The following CASS4 variants were observed in gnomAD, a reference collection of about 807,000 sequenced individuals.
The protein encoded by CASS4 is Cas scaffold protein family member 4, also known as cas scaffolding protein family member 4.
In CASS4, 22 loss-of-function variants were observed where a neutral mutation model predicts 54.2. The observed-to-expected ratio is 0.41, with a 90% CI of 0.29 to 0.58. CASS4 has a LOEUF of 0.58. Among genes scored for constraint, CASS4 ranks in the 20% least tolerant of loss-of-function variants. CASS4 has a pLI of 0.36. For missense variants in CASS4, 854 were observed against 986.7 expected, an observed-to-expected ratio of 0.87 and a Z score of 1.80; for synonymous variants, 409 against 391.5, an observed-to-expected ratio of 1.04 and a Z score of -0.53.
intron 1 of CASS4, among the ~76,000 whole-genome samples, chr20:56,421,716 G>A (rs919206955): frequency 6.6e-6 from 1 of 152,036 alleles, no homozygotes; most frequent in African/African-American, 2.4e-5. Context: ...AAGAGAAAAA[G>A]AAACACAGGC....
chr20:56,453,083 A>T lies in CASS4; in HGVS notation c.1907A>T (p.His636Leu). 6.2e-7 allele frequency: 1 copy of T among 1,613,918 alleles called. No individual in the cohort carries two copies. The highest frequency in any genetic ancestry group is 8.5e-7 in the Non-Finnish European group (1 of 1,180,006). Residue 636 changes from histidine to leucine, a missense_variant, in exon 5 of 6, where the codon CAC (histidine) becomes CTC (leucine). Transcript: ENST00000679887. ...TPSTKQREDE[H>L]SSELLKKNRA... ...TCCACTAAGCAAAGGGAAGATGAAC[A>T]CTCTTCTGAACTATTAAAGAAAAAT...
At chr20:56,435,078 G>C (rs1980091748) in intron 1 of CASS4, among the ~76,000 whole-genome samples, 1 of 152,118 alleles carries the variant, frequency 6.6e-6, no homozygotes, top group South Asian at 2.1e-4. Flanking sequence ...TTTTGTGGGG[G>C]ATGTTCAATG....
chr20:56,452,717 A>G lies in CASS4; in HGVS notation c.1541A>G (p.Asn514Ser), dbSNP rs760752577. 20 of 1,614,158 alleles carry G rather than the reference A, an allele frequency of 1.2e-5. No individual in the cohort carries two copies. The highest frequency in any genetic ancestry group is 2.7e-5 in the African/African-American group (2 of 75,060). The change falls in exon 5 of 6, where the codon AAC (asparagine) becomes AGC (serine). Residue 514 changes from asparagine to serine, a missense_variant. Transcript: ENST00000679887. ...ACNLTDSNLQ[N>S]RIRDQMQTIS... ...AACCTCACTGACAGTAACCTTCAGAACAGAATTCGGGACCAGATGCAGACC... is the reference window on the plus strand; with the variant it reads ...AACCTCACTGACAGTAACCTTCAGAGCAGAATTCGGGACCAGATGCAGACC...
At chr20:56,448,268 AT>A (rs909053039) in intron 3 of CASS4, among the ~76,000 whole-genome samples, 5 of 151,942 alleles carry the variant, frequency 3.3e-5, no homozygotes, top group Non-Finnish European at 5.9e-5. Flanking sequence ...GTTCACCATG[AT>A]TTTTTTGCAT....
Position 56,458,570 on chromosome 20 carries a change from C to T in CASS4, c.2184C>T (p.Asp728=). 1 of 1,614,020 alleles carries T rather than the reference C, an allele frequency of 6.2e-7. No homozygotes were observed. The highest frequency in any genetic ancestry group is 8.5e-7 in the Non-Finnish European group (1 of 1,179,960). Residue 728 remains aspartate, a synonymous_variant, in exon 6 of 6, where the codon GAC becomes GAT. Coordinates refer to ENST00000679887, the MANE Select transcript of CASS4 (RefSeq NM_020356.4). ...TGTGCATGGAGACCCAGGAGAGGGA[C>T]GTGCGCAACGAGATCCTCCGTGGCA... ...DTLCMETQER[D]VRNEILRGSS...
At position 56,415,891 on chromosome 20, in the gene CASS4, T is replaced by A. The variant is rs192569376; in HGVS notation, c.36+3397T>A. Among the ~76,000 whole-genome samples, 494 of 152,354 alleles carry A rather than the reference T, an allele frequency of 3.2e-3. 5 individuals are homozygous for A. The highest frequency in any genetic ancestry group is 1.9e-3 in the African/African-American group (81 of 41,594). ...ATCCAGACTGATTTATTCTATTTTT[T>A]AAAAATTGTTTTATAGAACAAGGCG... is the stretch of plus-strand genomic sequence containing the variant. On this transcript the variant is annotated intron_variant, in intron 1 of 5. Transcript: ENST00000679887.
In CASS4 at chr20:56,446,669, C is replaced by T. The variant is rs1172193434; in HGVS notation, c.561+668C>T. ...GCTCTGCGGTGGCGTTCTCCCCACC[C>T]ACCTACCATTGGGATCAGTAGCTCC... On this transcript the variant is annotated intron_variant, in intron 3 of 5. Coordinates refer to ENST00000679887, the MANE Select transcript of CASS4 (RefSeq NM_020356.4). Among the ~76,000 whole-genome samples the T allele has an allele frequency of 2.0e-5, 3 of 152,220 alleles. No homozygotes were observed. The South Asian group carries it at 6.2e-4, about 32-fold the overall frequency.
At chr20:56,418,509 C>G (rs6014723) in intron 1 of CASS4, among the ~76,000 whole-genome samples, 3,324 of 152,308 alleles carry the variant, frequency 0.022, 65 homozygotes, top group African/African-American at 0.051. Context: ...CTAGATCACT[C>G]AGGCTGCTGT....
At chr20:56,416,159 C>T (rs1011671302) in intron 1 of CASS4, among the ~76,000 whole-genome samples, 1 of 152,216 alleles carries the variant, frequency 6.6e-6, no homozygotes, top group Non-Finnish European at 1.5e-5. Flanking sequence ...AAGCAATTCT[C>T]CTGCCTCAGC....
chr20:56,439,797 G>A (rs576802402), intron 2 of CASS4, among the ~76,000 whole-genome samples: 7 of 152,362 alleles, frequency 4.6e-5, no homozygotes, highest in Admixed American at 3.3e-4. Context: ...TTCATGAGGT[G>A]TTGAGATGTA....
intron 1 of CASS4, among the ~76,000 whole-genome samples, chr20:56,432,513 G>A (rs943946894): frequency 4.0e-5 from 6 of 151,732 alleles, no homozygotes; most frequent in African/African-American, 1.2e-4. Flanking sequence ...GACTATAGGC[G>A]TGCACCACCA....
At chr20:56,436,573 A>G (rs574716580) in intron 1 of CASS4, among the ~76,000 whole-genome samples, 2 of 152,156 alleles carry the variant, frequency 1.3e-5, no homozygotes, top group East Asian at 3.9e-4. Context: ...TAATTTGCTT[A>G]AAGGTACACA....
At chr20:56,428,063 A>T (rs1242586684) in intron 1 of CASS4, among the ~76,000 whole-genome samples, 2 of 152,078 alleles carry the variant, frequency 1.3e-5, no homozygotes, top group South Asian at 2.1e-4. Flanking sequence ...ACCACCTCCC[A>T]CTATGGACTG....
chr20:56,458,759 C>T lies in CASS4; in HGVS notation c.*12C>T. ...GGACACTGGGATGAGGACTGTCTAC[C>T]TCCCTTCCTCCTCTGCTCACCTCTC... On this transcript the variant is annotated 3_prime_UTR_variant, in exon 6 of 6. Transcript: ENST00000679887. 6.3e-7 allele frequency: 1 copy of T among 1,576,874 alleles called. No individual in the cohort carries two copies. Among genetic ancestry groups the T allele is most frequent in the Non-Finnish European group, 8.6e-7 (1 of 1,157,882 alleles).
chr20:56,457,737 G>C (rs372147245), intron 5 of CASS4, among the ~76,000 whole-genome samples: 1 of 148,722 alleles, frequency 6.7e-6, no homozygotes, highest in Admixed American at 6.8e-5. Flanking sequence ...AATTTAGCTG[G>C]GTGCAGTGGC....
At chr20:56,429,810 C>T (rs1477353882) in intron 1 of CASS4, among the ~76,000 whole-genome samples, 1 of 152,222 alleles carries the variant, frequency 6.6e-6, no homozygotes, top group Non-Finnish European at 1.5e-5. Flanking sequence ...CCTCACCCAT[C>T]ACTACTTCCC....
chr20:56,437,500 C>G lies in CASS4; in HGVS notation c.373C>G (p.Pro125Ala). Residue 125 changes from proline (P) to alanine (A), a missense_variant, in exon 2 of 6, where the codon CCC becomes GCC. Pro to Ala is a conservative substitution (Grantham distance 27). Transcript: ENST00000679887. This position sits in a 1 kb window ranked among gnomAD's most constrained non-coding sequence, Gnocchi z 4.7. ...QMRSWAEGPQ[P>A]PTAQVYEFPD... ...GAGGAGTTGGGCGGAGGGGCCCCAG[C>G]CCCCTACTGCCCAAGTCTATGAATT... 6.2e-7 allele frequency: 1 copy of G among 1,603,726 alleles called. No homozygotes were observed. The highest frequency in any genetic ancestry group is 1.1e-5 in the South Asian group (1 of 90,092).
intron 1 of CASS4, among the ~76,000 whole-genome samples, chr20:56,422,588 G>C (rs1299529093): frequency 6.6e-6 from 1 of 150,806 alleles, no homozygotes; most frequent in Non-Finnish European, 1.5e-5. Context: ...ATTTCCACTG[G>C]GTGGCTTTGG....
chr20:56,451,863 C>G lies in CASS4; in HGVS notation c.687C>G (p.Gly229=). The change falls in exon 5 of 6, where the codon GGC becomes GGG. Residue 229 remains glycine, a synonymous_variant. Transcript: ENST00000679887. ...TATCAGTGACTACCTTAAGAAGAGGCGGTTACAGCACATTACCAAATCCTC... is the reference window on the plus strand; with the variant it reads ...TATCAGTGACTACCTTAAGAAGAGGGGGTTACAGCACATTACCAAATCCTC... ...PLISVTTLRR[G]GYSTLPNPQK... is the part of the protein sequence containing the mutation. 6.2e-7 allele frequency: 1 copy of G among 1,611,738 alleles called. No individual in the cohort carries two copies. The highest frequency in any genetic ancestry group is 8.5e-7 in the Non-Finnish European group (1 of 1,178,100).
Sources: allele counts gnomAD v4.1 joint callset (sites outside exome capture counted in the v4.1 genomes callset), GRCh38; gene constraint gnomAD v4.1.1; non-coding constraint Gnocchi (gnomAD v3.1); transcripts MANE v1.5; gene names NCBI Gene and HGNC (gene_info 2026-07-23, HGNC 2026-07-21).